Variants in ROBO1 observed in about 807,000 individuals in gnomAD.
ROBO1 encodes the protein roundabout homolog 1.
In ROBO1, 149 loss-of-function variants were observed where a neutral mutation model predicts 195.9. The observed-to-expected ratio is 0.76, with a 90% confidence interval of 0.67 to 0.87. The LOEUF (loss-of-function observed/expected upper bound fraction) is 0.87. Ranked by LOEUF, ROBO1 falls within the 40% of genes least tolerant of loss-of-function variation. The pLI is 0.00. For missense variants in ROBO1, 1,933 were observed against 2,068.3 expected (o/e 0.93, Z 1.27); for synonymous variants, 816 against 733.2 (o/e 1.11, Z -1.82).
intron 1 of ROBO1, among the ~76,000 whole-genome samples, chr3:79,713,332 C>T (rs979050754): frequency 6.6e-6 from 1 of 151,996 alleles, no homozygotes; most frequent in Non-Finnish European, 1.5e-5. Flanking sequence ...GATAGTGGTT[C>T]CTCTGATGGA....
intron 26 of ROBO1, among the ~76,000 whole-genome samples, chr3:78,626,849 C>G (rs3773206): frequency 0.36 from 54,185 of 151,816 alleles, 10,365 homozygotes; most frequent in Middle Eastern, 0.47. Flanking sequence ...GAGGTCAACA[C>G]AAAAAGACTA....
intron 2 of ROBO1, among the ~76,000 whole-genome samples, chr3:79,215,844 T>C (rs952305723): frequency 4.6e-5 from 7 of 152,186 alleles, no homozygotes; most frequent in African/African-American, 1.7e-4. Context: ...CATGGATGGG[T>C]TTTAGATCTT....
At chr3:79,385,412 T>C (rs150291683) in intron 2 of ROBO1, among the ~76,000 whole-genome samples, 8 of 152,234 alleles carry the variant, frequency 5.3e-5, no homozygotes, top group South Asian at 4.1e-4. Flanking sequence ...TGTGGTATGT[T>C]GGTGAAGATA....
intron 2 of ROBO1, among the ~76,000 whole-genome samples, chr3:79,367,426 T>C (rs1194182155): frequency 6.6e-6 from 1 of 152,250 alleles, no homozygotes; most frequent in Non-Finnish European, 1.5e-5. Flanking sequence ...GCAGCAATGC[T>C]GACTCTGATA....
chr3:78,963,511 TTTTTTTTTTC>T (rs2041503487), intron 3 of ROBO1, among the ~76,000 whole-genome samples: 1 of 136,544 alleles, frequency 7.3e-6, no homozygotes, highest in African/African-American at 3.0e-5. Flanking sequence ...TTTTTTTTTT[TTTTTTTTTTC>T]TTTTTTTTTT....
At chr3:79,735,642 G>A (rs934140154) in intron 1 of ROBO1, among the ~76,000 whole-genome samples, 5 of 152,086 alleles carry the variant, frequency 3.3e-5, no homozygotes, top group Admixed American at 1.3e-4. Flanking sequence ...AGGCCGAGGC[G>A]GGTGGATCAT....
At chr3:79,232,256 A>AT (rs202151110) in intron 2 of ROBO1, among the ~76,000 whole-genome samples, 1,960 of 146,442 alleles carry the variant, frequency 0.013, 23 homozygotes, top group African/African-American at 0.037. Flanking sequence ...TTAAAAAAAA[A>AT]AAAAATATAT....
rs1002120685 is a variant in ROBO1, at chr3:79,255,566, A to G, written c.89-130027T>C. On this transcript the variant is annotated intron_variant, in intron 2 of 30. Transcript: ENST00000464233. ...TTGTTGGTAAAGTAGTACCGATATA[A>G]GCAAAACAAAATTATTCTGCATTTT... Among the ~76,000 whole-genome samples the G allele has an allele frequency of 4.6e-4, 70 of 152,192 alleles. 2 individuals carry two copies. Among genetic ancestry groups the G allele is most frequent in the Non-Finnish European group, 4.4e-5 (3 of 68,042 alleles).
intron 1 of ROBO1, among the ~76,000 whole-genome samples, chr3:79,602,947 G>C (rs76031640): frequency 1.3e-5 from 2 of 151,838 alleles, no homozygotes; most frequent in Non-Finnish European, 2.9e-5. Flanking sequence ...TCTTTTAATA[G>C]CGATATTAGC....
chr3:79,597,744 A>G (rs775408483), intron 1 of ROBO1, among the ~76,000 whole-genome samples: 3 of 152,106 alleles, frequency 2.0e-5, no homozygotes, highest in Non-Finnish European at 2.9e-5. Context: ...TAGTAACAAA[A>G]GACTGTTGGA....
chr3:78,826,018 A>C (rs568203734), intron 4 of ROBO1, among the ~76,000 whole-genome samples: 20 of 152,200 alleles, frequency 1.3e-4, no homozygotes. Context: ...CTGAATCAGC[A>C]TACTCATATC....
chr3:79,143,483 G>A (rs186244882), intron 2 of ROBO1, among the ~76,000 whole-genome samples: 42 of 151,998 alleles, frequency 2.8e-4, no homozygotes, highest in African/African-American at 8.0e-4. Flanking sequence ...CATGATAACA[G>A]CACATTTTAT....
At chr3:78,714,575 A>G (rs1325997314) in intron 7 of ROBO1, 51 bp from the exon 8 acceptor site, 4 of 1,551,448 alleles carry the variant, frequency 2.6e-6, no homozygotes, top group Non-Finnish European at 3.5e-6. Context: ...TACTTGAAAG[A>G]TCTCATTATT....
chr3:78,644,204 T>C (rs925065240), intron 21 of ROBO1, among the ~76,000 whole-genome samples: 3 of 152,100 alleles, frequency 2.0e-5, no homozygotes, highest in African/African-American at 4.8e-5. Context: ...AGCATCCTTA[T>C]TGTCCTCATC....
At chr3:79,639,810 T>C (rs898693588) in intron 1 of ROBO1, among the ~76,000 whole-genome samples, 3 of 152,188 alleles carry the variant, frequency 2.0e-5, no homozygotes, top group Non-Finnish European at 4.4e-5. Flanking sequence ...TCTCATATTA[T>C]GGCATGAGTA....
At chr3:79,530,803 A>G (rs971257478) in intron 2 of ROBO1, among the ~76,000 whole-genome samples, 2 of 127,128 alleles carry the variant, frequency 1.6e-5, no homozygotes, top group Non-Finnish European at 3.3e-5. Context: ...ACACACACAC[A>G]CATCCTTCCC....
chr3:79,679,055 T>C (rs1946867617), intron 1 of ROBO1, among the ~76,000 whole-genome samples: 1 of 152,096 alleles, frequency 6.6e-6, no homozygotes, highest in South Asian at 2.1e-4. Context: ...TATGGATATA[T>C]AGTCAATACA....
At chr3:79,097,759 A>G (rs1434194692) in intron 3 of ROBO1, among the ~76,000 whole-genome samples, 1 of 151,710 alleles carries the variant, frequency 6.6e-6, no homozygotes, top group Admixed American at 6.6e-5. Context: ...TCATTTTAAG[A>G]AATTTTCTTT....
chr3:79,390,242 C>G (rs1176084286), intron 2 of ROBO1, among the ~76,000 whole-genome samples: 1 of 151,734 alleles, frequency 6.6e-6, no homozygotes, highest in African/African-American at 2.4e-5. Flanking sequence ...CTTGAAATGC[C>G]TATTTTATAT....
Sources: allele counts gnomAD v4.1 joint callset (sites outside exome capture counted in the v4.1 genomes callset), GRCh38; gene constraint gnomAD v4.1.1; transcripts MANE v1.5; gene names NCBI Gene and HGNC (gene_info 2026-07-23, HGNC 2026-07-21).